Variants in VTI1A observed in about 807,000 individuals in gnomAD.
The protein encoded by VTI1A is vesicle transport through interaction with t-SNAREs homolog 1A.
In VTI1A, 22 loss-of-function variants were observed where a neutral mutation model predicts 34.9. The observed-to-expected ratio is 0.63, with a 90% CI of 0.45 to 0.90. VTI1A has a LOEUF of 0.90. VTI1A is among the 40% of genes least tolerant of loss of function. VTI1A has a pLI of 0.00. For synonymous variants in VTI1A, 87 were observed against 97.3 expected (o/e 0.89, Z 0.62); for missense variants, 268 against 275.6 (o/e 0.97, Z 0.20).
chr10:112,494,545 G>T (rs555922918), intron 3 of VTI1A, among the ~76,000 whole-genome samples: 1 of 151,022 alleles, frequency 6.6e-6, no homozygotes, highest in Non-Finnish European at 1.5e-5. Flanking sequence ...TCCTCGCTCC[G>T]TTGCCAAGGC....
At chr10:112,490,673 T>C (rs937066540) in intron 3 of VTI1A, among the ~76,000 whole-genome samples, 2 of 151,198 alleles carry the variant, frequency 1.3e-5, no homozygotes, top group Non-Finnish European at 2.9e-5. Flanking sequence ...GGCCCAGAAA[T>C]AGCAATCAGC....
chr10:112,725,280 C>T (rs1194927445), intron 7 of VTI1A, among the ~76,000 whole-genome samples: 1 of 152,116 alleles, frequency 6.6e-6, no homozygotes, highest in Non-Finnish European at 1.5e-5. Context: ...TGTAGATTAT[C>T]GTCCTGTAAA....
chr10:112,476,039 T>C (rs17129827), intron 3 of VTI1A, among the ~76,000 whole-genome samples: 2,169 of 152,338 alleles, frequency 0.014, 43 homozygotes, highest in African/African-American at 0.05. Context: ...AAATTGTATT[T>C]CTGGCTGTTT....
chr10:112,484,975 A>C (rs1185493406), intron 3 of VTI1A: 1 of 151,862 alleles, frequency 6.6e-6, no homozygotes, highest in Non-Finnish European at 1.5e-5. Context: ...CTAGGAATTA[A>C]GATGCTTTAA....
intron 5 of VTI1A, among the ~76,000 whole-genome samples, chr10:112,603,148 T>A (rs1401461760): frequency 6.6e-6 from 1 of 152,250 alleles, no homozygotes; most frequent in African/African-American, 2.4e-5. Context: ...GCTGTATAAC[T>A]GAGCCATATC....
chr10:112,464,031 C>T (rs1847815162), intron 2 of VTI1A, among the ~76,000 whole-genome samples: 1 of 152,174 alleles, frequency 6.6e-6, no homozygotes, highest in Non-Finnish European at 1.5e-5. Flanking sequence ...GTCTTGCTCT[C>T]TCACCTAGAC....
the VTI1A span, chr10:112,827,734 AT>A: frequency 6.6e-6 from 1 of 152,204 alleles, no homozygotes; most frequent in African/African-American, 2.4e-5. Flanking sequence ...AAAGTCGGCT[AT>A]TCCCATCTTT....
rs1263325817 is a variant in VTI1A, at chr10:112,784,780, T to G, written c.561-30510T>G. 2.0e-5 allele frequency among the ~76,000 whole-genome samples: 3 copies of G among 152,312 alleles called. No homozygotes were observed. In the East Asian group the frequency reaches 5.8e-4, roughly 29 times the overall value. On this transcript the variant is annotated intron_variant, in intron 7 of 7. Transcript: ENST00000393077. The stretch of plus-strand genomic sequence containing the variant: ...TACTTCCCCTGTTTTAAGGCATTTC[T>G]CCAACTGTTATGCTAGTCAAAACGA...
rs1046916650 is a variant in VTI1A, at chr10:112,727,276, G to T, written c.560+58278G>T. On this transcript the variant is annotated intron_variant, in intron 7 of 7. Transcript: ENST00000393077. The stretch of plus-strand genomic sequence containing the variant: ...CTCACCCTACTACCTTGTTGTTTTA[G>T]CCTGTCTTTCTCCACTCTATACTTC... Among the ~76,000 whole-genome samples, 30 of 152,108 alleles carry T rather than the reference G, an allele frequency of 2.0e-4. 1 individual carries two copies. The highest frequency in any genetic ancestry group is 7.4e-5 in the Non-Finnish European group (5 of 68,008).
At chr10:112,567,263 A>C (rs201277477) in intron 5 of VTI1A, among the ~76,000 whole-genome samples, 2 of 152,154 alleles carry the variant, frequency 1.3e-5, no homozygotes, top group East Asian at 3.9e-4. Flanking sequence ...TCCTGGGCTG[A>C]AGTGATCCAC....
chr10:112,838,374 T>C, the VTI1A span, among the ~76,000 whole-genome samples: 1 of 152,186 alleles, frequency 6.6e-6, no homozygotes, highest in Admixed American at 6.5e-5. Flanking sequence ...CAAACACCAG[T>C]ACATGTGCCT....
At chr10:112,603,886 C>A (rs1844975151) in intron 5 of VTI1A, among the ~76,000 whole-genome samples, 1 of 152,056 alleles carries the variant, frequency 6.6e-6, no homozygotes, top group African/African-American at 2.4e-5. Flanking sequence ...CACCCAGTAA[C>A]AATAACAAAA....
At chr10:112,814,827 A>G (rs1180604551) in intron 7 of VTI1A, among the ~76,000 whole-genome samples, 1 of 152,118 alleles carries the variant, frequency 6.6e-6, no homozygotes, top group Admixed American at 6.5e-5. Flanking sequence ...TCTCTGTTTT[A>G]CTTTTCCCCA....
chr10:112,804,636 G>A (rs1461164507), intron 7 of VTI1A, among the ~76,000 whole-genome samples: 2 of 152,036 alleles, frequency 1.3e-5, no homozygotes, highest in East Asian at 3.9e-4. Context: ...TCCCGGCCCT[G>A]GCATTACTCT....
intron 3 of VTI1A, among the ~76,000 whole-genome samples, chr10:112,480,245 G>A (rs1848417833): frequency 6.6e-6 from 1 of 152,130 alleles, no homozygotes; most frequent in Non-Finnish European, 1.5e-5. Context: ...GAACAAATGA[G>A]GAAGCTGAAG....
Position 112,618,488 on chromosome 10 carries a change from A to ATT in VTI1A, c.428-49729_428-49728dup, listed in dbSNP as rs1246145240. On this transcript the variant is annotated intron_variant, in intron 5 of 7. Coordinates refer to ENST00000393077, the MANE Select transcript of VTI1A (RefSeq NM_145206.4). ...GATAATGAAATATACAAATGATTAT[A>ATT]TTATATATATATATATATATATATA... 1.6e-4 allele frequency among the ~76,000 whole-genome samples: 12 copies of ATT among 73,558 alleles called. No individual in the cohort carries two copies. The Middle Eastern group carries it at 0.02, about 124-fold the overall frequency. 48.3% of individuals were successfully genotyped at this position (73,558 alleles called of 152,430 possible). A position where few individuals can be genotyped will look rare whatever the true frequency, so the allele number is the denominator to read the frequency against.
intron 5 of VTI1A, among the ~76,000 whole-genome samples, chr10:112,627,532 A>T (rs1230627846): frequency 6.6e-6 from 1 of 152,080 alleles, no homozygotes; most frequent in African/African-American, 2.4e-5. Flanking sequence ...CACTCTAACT[A>T]CTCAAATATA....
intron 5 of VTI1A, among the ~76,000 whole-genome samples, chr10:112,634,687 T>G (rs1200371554): frequency 6.6e-6 from 1 of 152,218 alleles, no homozygotes; most frequent in Non-Finnish European, 1.5e-5. Context: ...GCATCTCCAT[T>G]AGACAAGCTG....
intron 7 of VTI1A, among the ~76,000 whole-genome samples, chr10:112,700,736 A>G (rs1848982033): frequency 6.6e-6 from 1 of 152,246 alleles, no homozygotes. Flanking sequence ...ATTCCTGGTT[A>G]TGGTACTTTG....
Sources: gnomAD v4.1 joint callset for allele counts (sites outside exome capture counted in the v4.1 genomes callset) on GRCh38, gnomAD v4.1.1 for gene constraint, MANE v1.5 for transcripts, NCBI Gene and HGNC (gene_info 2026-07-23, HGNC 2026-07-21) for gene names.